Variants in SASH1 observed in about 807,000 individuals in gnomAD.
The protein encoded by SASH1 is SAM and SH3 domain-containing protein 1.
SASH1 carries 44 observed loss-of-function variants against 125.2 expected under a neutral mutation model. The observed-to-expected ratio is 0.35, with a 90% CI of 0.28 to 0.45. The LOEUF (loss-of-function observed/expected upper bound fraction) is 0.45, where lower values mean the gene tolerates loss of function less well. Ranked by LOEUF, SASH1 falls within the 20% of genes least tolerant of loss-of-function variation. The probability of loss-of-function intolerance (pLI) is 1.00; values close to 1 mark genes in which losing one functional copy is unlikely to be tolerated. For missense variants in SASH1, 1,426 were observed against 1,614.5 expected (o/e 0.88, Z 2.00); for synonymous variants, 639 against 649.1 (o/e 0.98, Z 0.24).
chr6:148,272,815 G>A (rs564147095), intron 1 of SASH1, among the ~76,000 whole-genome samples: 20 of 152,202 alleles, frequency 1.3e-4, no homozygotes, highest in Admixed American at 1.2e-3. Context: ...CCAGGGGATC[G>A]GGACCATCCG....
At position 148,531,552 on chromosome 6, in the gene SASH1, C is replaced by T; in HGVS notation, c.1455C>T (p.Gly485=). ...ACTCGGGCCTTGATGGAATGCCTGG[C>T]TCCCCTCCGCCTTCACAGCCCGACC... ...EQDSGLDGMP[G]SPPPSQPDPE... is the part of the protein sequence containing the mutation. Residue 485 remains glycine, a synonymous_variant, in exon 13 of 20, where the codon GGC becomes GGT. Coordinates refer to ENST00000367467, the MANE Select transcript of SASH1 (RefSeq NM_015278.5). 2 of 1,555,866 alleles carry T rather than the reference C, an allele frequency of 1.3e-6. No individual in the cohort carries two copies. The highest frequency in any genetic ancestry group is 1.7e-6 in the Non-Finnish European group (2 of 1,149,346).
At chr6:148,394,261 G>T (rs1346536201) in intron 2 of SASH1, among the ~76,000 whole-genome samples, 1 of 152,086 alleles carries the variant, frequency 6.6e-6, no homozygotes, top group Non-Finnish European at 1.5e-5. Flanking sequence ...AACTGGCAAG[G>T]ATCGGGTTTA....
the SASH1 span, among the ~76,000 whole-genome samples, chr6:148,246,905 C>A: frequency 4.6e-3 from 701 of 152,262 alleles, 34 homozygotes; most frequent in East Asian, 0.12. Flanking sequence ...AGTCCTTAAC[C>A]TATGCTATGT....
intron 1 of SASH1, among the ~76,000 whole-genome samples, chr6:148,292,908 C>T (rs1005041653): frequency 4.6e-5 from 7 of 151,938 alleles, no homozygotes; most frequent in Non-Finnish European, 8.8e-5. Flanking sequence ...AAAAATTAGC[C>T]GGGCATGGTG....
At chr6:148,335,464 CAAAAAAAA>C (rs534202487) in intron 1 of SASH1, among the ~76,000 whole-genome samples, 1 of 79,910 alleles carries the variant, frequency 1.3e-5, no homozygotes, top group Admixed American at 1.4e-4. Context: ...GACTCTGTCT[CAAAAAAAA>C]AAAAAAAAAA....
At chr6:148,364,046 A>T (rs895606552) in intron 1 of SASH1, among the ~76,000 whole-genome samples, 6 of 152,152 alleles carry the variant, frequency 3.9e-5, no homozygotes, top group African/African-American at 4.8e-5. Context: ...CAAGTAATAT[A>T]AAAATGGAGA....
the SASH1 span, among the ~76,000 whole-genome samples, chr6:148,213,507 T>G: frequency 4.0e-5 from 5 of 123,846 alleles, no homozygotes; most frequent in East Asian, 2.0e-4. Flanking sequence ...AGCCAAAGGG[T>G]GTGTGTGTGT....
intron 4 of SASH1, among the ~76,000 whole-genome samples, chr6:148,451,942 C>T (rs77371903): frequency 0.021 from 3,175 of 152,068 alleles, 36 homozygotes; most frequent in Middle Eastern, 0.054. Context: ...TGTGTGTGTG[C>T]CCTGCGCCTG....
chr6:148,516,901 CTTCA>C (rs1780474773), intron 9 of SASH1, among the ~76,000 whole-genome samples: 1 of 152,118 alleles, frequency 6.6e-6, no homozygotes, highest in African/African-American at 2.4e-5. Flanking sequence ...GAGATCAGTT[CTTCA>C]TTCATTCTCA....
chr6:148,446,617 A>G (rs1349348210), intron 4 of SASH1, among the ~76,000 whole-genome samples: 1 of 152,142 alleles, frequency 6.6e-6, no homozygotes, highest in Non-Finnish European at 1.5e-5. Context: ...CTATTTTGTA[A>G]TATGTTTATG....
intron 2 of SASH1, among the ~76,000 whole-genome samples, chr6:148,392,913 C>T (rs558927370): frequency 6.6e-6 from 1 of 152,148 alleles, no homozygotes; most frequent in Non-Finnish European, 1.5e-5. Context: ...AAGACTCCCA[C>T]ACTCTTAAAA....
intron 1 of SASH1, among the ~76,000 whole-genome samples, chr6:148,288,494 C>T (rs4896984): frequency 0.69 from 105,017 of 151,616 alleles, 36,442 homozygotes; most frequent in East Asian, 0.75. Context: ...ACCTATGCAT[C>T]CGTACATGAA....
At chr6:148,339,414 A>T (rs923941359), upstream of SASH1, among the ~76,000 whole-genome samples, 2 of 151,744 alleles carry the variant, frequency 1.3e-5, no homozygotes, top group African/African-American at 4.8e-5. Flanking sequence ...CTATCCATTG[A>T]TTAAGAAGCA....
At chr6:148,418,582 C>T (rs549868884) in intron 2 of SASH1, among the ~76,000 whole-genome samples, 11 of 152,276 alleles carry the variant, frequency 7.2e-5, no homozygotes, top group South Asian at 2.1e-4. Flanking sequence ...ATGGTGTCTC[C>T]GCTTCCAGTC....
chr6:148,225,935 T>C, the SASH1 span, among the ~76,000 whole-genome samples: 1 of 152,236 alleles, frequency 6.6e-6, no homozygotes, highest in Non-Finnish European at 1.5e-5. Context: ...AGCTGTTTTC[T>C]AACAACAATA....
intron 1 of SASH1, among the ~76,000 whole-genome samples, chr6:148,362,999 G>C (rs1782298273): frequency 6.6e-6 from 1 of 152,212 alleles, no homozygotes; most frequent in South Asian, 2.1e-4. Flanking sequence ...AGAGAAAGTT[G>C]TAGTGCAGCA....
At chr6:148,502,314 C>A (rs1405869077) in intron 8 of SASH1, among the ~76,000 whole-genome samples, 1 of 151,882 alleles carries the variant, frequency 6.6e-6, no homozygotes, top group Non-Finnish European at 1.5e-5. Context: ...ATATTTCTTA[C>A]TAAACAGATG....
intron 2 of SASH1, among the ~76,000 whole-genome samples, chr6:148,402,587 G>T (rs1013031907): frequency 2.0e-5 from 3 of 151,436 alleles, no homozygotes. Context: ...GGGATTACAG[G>T]GGTGAGCCAC....
At chr6:148,481,185 TC>T (rs1384046007) in intron 7 of SASH1, among the ~76,000 whole-genome samples, 1 of 151,812 alleles carries the variant, frequency 6.6e-6, no homozygotes, top group Admixed American at 6.6e-5. Flanking sequence ...AAAAATAGTT[TC>T]TGGATTTAAT....
Sources: gnomAD v4.1 joint callset for allele counts (sites outside exome capture counted in the v4.1 genomes callset) on GRCh38, gnomAD v4.1.1 for gene constraint, MANE v1.5 for transcripts, NCBI Gene and HGNC (gene_info 2026-07-23, HGNC 2026-07-21) for gene names.